The following TOGARAM2 variants were observed in gnomAD, a reference collection of about 807,000 sequenced individuals.
TOGARAM2 encodes TOG array regulator of axonemal microtubules protein 2.
A neutral mutation model predicts 93.3 loss-of-function variants in TOGARAM2; 85 were observed. The ratio of observed to expected loss-of-function variants is 0.91; its 90% CI spans 0.76 to 1.09. The LOEUF (loss-of-function observed/expected upper bound fraction) is 1.09, where lower values mean the gene tolerates loss of function less well. Ranked by LOEUF, TOGARAM2 falls within the 50% of genes least tolerant of loss-of-function variation. TOGARAM2 has a pLI of 0.00. For missense variants in TOGARAM2, 1,277 were observed against 1,334.5 expected (o/e 0.96, Z 0.67); for synonymous variants, 593 against 552.8 (o/e 1.07, Z -1.02).
intron 9 of TOGARAM2, 58 bp downstream of exon 9, chr2:29,017,362 A>G: frequency 2.1e-6 from 3 of 1,444,358 alleles, no homozygotes; most frequent in Non-Finnish European, 2.7e-6. Context: ...CCACTCTCTC[A>G]TAGCCTGCTG....
chr2:28,973,407 CCTCCT>C (rs1671978450), intron 1 of TOGARAM2, among the ~76,000 whole-genome samples: 9 of 68,472 alleles, frequency 1.3e-4, no homozygotes, highest in African/African-American at 4.4e-4. Flanking sequence ...TTCCTTCCTT[CCTCCT>C]TTCCTTCTTT....
At chr2:28,966,639 T>C (rs946884014) in intron 1 of TOGARAM2, among the ~76,000 whole-genome samples, 1 of 152,154 alleles carries the variant, frequency 6.6e-6, no homozygotes, top group African/African-American at 2.4e-5. Context: ...TAATCCATGT[T>C]TACAGTAGAA....
chr2:28,970,057 C>T (rs549097003), intron 1 of TOGARAM2, among the ~76,000 whole-genome samples: 4 of 152,244 alleles, frequency 2.6e-5, no homozygotes, highest in South Asian at 2.1e-4. Context: ...GTGATCCGCC[C>T]GCCTTGGCCT....
intron 18 of TOGARAM2, among the ~76,000 whole-genome samples, chr2:29,039,523 TAAAG>T (rs1666311572): frequency 3.3e-5 from 5 of 152,184 alleles, no homozygotes; most frequent in Admixed American, 3.3e-4. Context: ...AATTCAGTGA[TAAAG>T]AAGCCAGTAT....
intron 14 of TOGARAM2, among the ~76,000 whole-genome samples, chr2:29,030,241 A>T (rs1414308018): frequency 1.3e-5 from 2 of 152,104 alleles, no homozygotes; most frequent in Non-Finnish European, 1.5e-5. Flanking sequence ...GGGCCATTAC[A>T]CTCCCGCCTG....
intron 14 of TOGARAM2, among the ~76,000 whole-genome samples, chr2:29,030,745 C>G (rs565156748): frequency 1.2e-3 from 188 of 152,212 alleles, no homozygotes; most frequent in Non-Finnish European, 1.6e-3. Context: ...CTTTAGTCCT[C>G]ATCTCCCTCT....
chr2:28,993,526 AG>A (rs1672841408), intron 1 of TOGARAM2, among the ~76,000 whole-genome samples: 1 of 152,188 alleles, frequency 6.6e-6, no homozygotes, highest in South Asian at 2.1e-4. Context: ...TGTGTCTCAC[AG>A]GGGTTCAGGA....
At chr2:29,022,075 T>G in intron 10 of TOGARAM2, 83 bp from the exon 11 acceptor site, 1 of 1,580,120 alleles carries the variant, frequency 6.3e-7, no homozygotes, top group Non-Finnish European at 8.6e-7. Context: ...CGGCCTCCCA[T>G]GGTGAGCGGT....
Position 29,035,516 on chromosome 2 carries a change from C to G in TOGARAM2, c.2278C>G (p.Arg760Gly). 1 of 1,553,886 alleles carries G rather than the reference C, an allele frequency of 6.4e-7. No individual in the cohort carries two copies. Among genetic ancestry groups the G allele is most frequent in the Non-Finnish European group, 8.7e-7 (1 of 1,149,664 alleles). The change falls in exon 17 of 20, where the codon CGC becomes GGC. Residue 760 changes from arginine to glycine, a missense_variant. Transcript: ENST00000379558. ...LVGLRSTLQGRGEMVEQLREL... is the reference protein window; with the variant it reads ...LVGLRSTLQGGGEMVEQLREL... ...GGGGCTGCGCTCCACACTGCAGGGC[C>G]GCGGGGAGATGGTGGAGCAGCTACG...
intron 7 of TOGARAM2, among the ~76,000 whole-genome samples, chr2:29,013,041 C>A (rs911735570): frequency 6.6e-6 from 1 of 152,232 alleles, no homozygotes; most frequent in Non-Finnish European, 1.5e-5. Flanking sequence ...GGTAAGATGC[C>A]TTTTCCAGCC....
At chr2:29,046,030 A>T (rs1164931191) in intron 19 of TOGARAM2, 1 of 157,952 alleles carries the variant, frequency 6.3e-6, no homozygotes, top group Non-Finnish European at 1.4e-5. Context: ...AAAAGTTGCC[A>T]TGTACAACTT....
chr2:28,993,684 C>T (rs1478678426), intron 1 of TOGARAM2, among the ~76,000 whole-genome samples: 1 of 151,884 alleles, frequency 6.6e-6, no homozygotes, highest in Non-Finnish European at 1.5e-5. Flanking sequence ...TGGGGCCAAG[C>T]TGGGCTGGGT....
chr2:28,973,239 T>C (rs1671973839), intron 1 of TOGARAM2, among the ~76,000 whole-genome samples: 1 of 152,174 alleles, frequency 6.6e-6, no homozygotes, highest in African/African-American at 2.4e-5. Context: ...TCCAGATGGC[T>C]CAAGCCTGTC....
At chr2:29,034,524 C>A (rs1396403442) in intron 16 of TOGARAM2, among the ~76,000 whole-genome samples, 1 of 152,232 alleles carries the variant, frequency 6.6e-6, no homozygotes, top group Admixed American at 6.5e-5. Flanking sequence ...TCTCAGTAGA[C>A]AATGAGTGTG....
rs890470804 is a variant in TOGARAM2 at position 29,018,021 on chromosome 2, G to A, written c.1360+65G>A. 2.7e-5 allele frequency: 40 copies of A among 1,498,076 alleles called. No individual in the cohort carries two copies. The South Asian group carries it at 5.2e-4, about 20-fold the overall frequency. 92.8% of individuals were successfully genotyped at this position (1,498,076 alleles called of 1,614,324 possible). On this transcript the variant is annotated intron_variant, in intron 10 of 19. Transcript: ENST00000379558. ...CCATGCTGCCTCAGGATGCCCTGAG[G>A]CATGGCAGAGGTGACCTCGGTGGCT...
chr2:29,035,715 A>G (rs896019683), intron 17 of TOGARAM2, 59 bp downstream of exon 17: 3 of 1,298,942 alleles, frequency 2.3e-6, no homozygotes, highest in Non-Finnish European at 3.0e-6. Context: ...TGCAACTTGA[A>G]GTTTGAAAAC....
chr2:29,021,738 C>G (rs566851556), intron 10 of TOGARAM2, among the ~76,000 whole-genome samples: 1 of 152,290 alleles, frequency 6.6e-6, no homozygotes, highest in East Asian at 1.9e-4. Flanking sequence ...ATACAGGCCT[C>G]TGGTTGGGAA....
intron 6 of TOGARAM2, among the ~76,000 whole-genome samples, chr2:29,011,103 A>C (rs1664216695): frequency 6.6e-6 from 1 of 152,162 alleles, no homozygotes; most frequent in African/African-American, 2.4e-5. Context: ...ACCCTTGTTT[A>C]CTGCAGCTGC....
intron 1 of TOGARAM2, among the ~76,000 whole-genome samples, chr2:28,989,053 G>A (rs910984096): frequency 6.6e-6 from 1 of 152,100 alleles, no homozygotes; most frequent in African/African-American, 2.4e-5. Flanking sequence ...TCAGGTTTTT[G>A]TATTTTTATT....
Sources: gnomAD v4.1 joint callset for allele counts (sites outside exome capture counted in the v4.1 genomes callset) on GRCh38, gnomAD v4.1.1 for gene constraint, MANE v1.5 for transcripts, NCBI Gene and HGNC (gene_info 2026-07-23, HGNC 2026-07-21) for gene names.